The following CACNA2D3 variants were observed in gnomAD, a reference collection of about 807,000 sequenced individuals.
The protein encoded by CACNA2D3 is calcium voltage-gated channel auxiliary subunit alpha2delta 3.
A neutral mutation model predicts 160.6 loss-of-function variants in CACNA2D3; 60 were observed. The ratio of observed to expected loss-of-function variants is 0.37; its 90% CI spans 0.30 to 0.46. The LOEUF (loss-of-function observed/expected upper bound fraction) is 0.46. Among genes scored for constraint, CACNA2D3 ranks in the 20% least tolerant of loss-of-function variants. The pLI is 1.00. For synonymous variants in CACNA2D3, 558 were observed against 492.9 expected (o/e 1.13, Z -1.75); for missense variants, 1,205 against 1,365.0 (o/e 0.88, Z 1.85).
At chr3:54,873,562 C>T (rs1164246106) in intron 18 of CACNA2D3, among the ~76,000 whole-genome samples, 1 of 152,144 alleles carries the variant, frequency 6.6e-6, no homozygotes, top group Non-Finnish European at 1.5e-5. Context: ...TGTATCTCCT[C>T]ATCCTACTTT....
chr3:54,479,948 C>T (rs1404765737), intron 4 of CACNA2D3, among the ~76,000 whole-genome samples: 1 of 152,122 alleles, frequency 6.6e-6, no homozygotes, highest in African/African-American at 2.4e-5. Context: ...GGAGTTGATT[C>T]TGTAAAAATC....
intron 2 of CACNA2D3, among the ~76,000 whole-genome samples, chr3:54,297,401 G>A (rs1230690344): frequency 6.6e-6 from 1 of 151,994 alleles, no homozygotes; most frequent in African/African-American, 2.4e-5. Flanking sequence ...CCTGGTGGGG[G>A]GTGTAGGACA....
chr3:54,509,937 A>G (rs1302222747), intron 5 of CACNA2D3, among the ~76,000 whole-genome samples: 1 of 152,334 alleles, frequency 6.6e-6, no homozygotes, highest in East Asian at 1.9e-4. Context: ...ATATGTGTGT[A>G]TGCATAGGTT....
intron 13 of CACNA2D3, among the ~76,000 whole-genome samples, chr3:54,810,429 TTGCTC>T (rs1703274733): frequency 6.6e-6 from 1 of 152,168 alleles, no homozygotes; most frequent in African/African-American, 2.4e-5. Context: ...AGAACTTTCT[TTGCTC>T]TATAGTAGAG....
intron 4 of CACNA2D3, among the ~76,000 whole-genome samples, chr3:54,417,806 G>A (rs9846785): frequency 7.8e-6 from 1 of 129,028 alleles, no homozygotes. Flanking sequence ...GGGGGGGGGG[G>A]TGGGGGGGTT....
At chr3:54,849,542 A>C (rs1444220549) in intron 17 of CACNA2D3, among the ~76,000 whole-genome samples, 1 of 152,204 alleles carries the variant, frequency 6.6e-6, no homozygotes, top group Non-Finnish European at 1.5e-5. Context: ...CAGTGTCTTC[A>C]TGGACCATAA....
intron 11 of CACNA2D3, among the ~76,000 whole-genome samples, chr3:54,723,153 C>T (rs571433289): frequency 2.6e-5 from 4 of 152,316 alleles, no homozygotes; most frequent in Admixed American, 2.6e-4. Flanking sequence ...GTGGGCTACA[C>T]CTAGTTCAAA....
intron 27 of CACNA2D3, among the ~76,000 whole-genome samples, chr3:54,930,452 G>A (rs191257576): frequency 6.6e-6 from 1 of 152,090 alleles, no homozygotes; most frequent in Non-Finnish European, 1.5e-5. Flanking sequence ...ACCTCTTTAG[G>A]TTATAGTGGA....
At chr3:54,346,162 C>G (rs1197848546) in intron 3 of CACNA2D3, among the ~76,000 whole-genome samples, 1 of 152,148 alleles carries the variant, frequency 6.6e-6, no homozygotes, top group Non-Finnish European at 1.5e-5. Flanking sequence ...CCTGGTGATT[C>G]ATTTGTAAGT....
rs548927599 is a variant in CACNA2D3 at position 54,413,837 on chromosome 3, A to C, written c.381+27063A>C. Reference sequence around the variant, plus strand: ...AGTCTTTGAATATACTGACAATAACAGTTTTAAATTCCTTCTCTGGTAATT... The same window carrying C: ...AGTCTTTGAATATACTGACAATAACCGTTTTAAATTCCTTCTCTGGTAATT... On this transcript the variant is annotated intron_variant, in intron 4 of 37. Coordinates refer to ENST00000474759, the MANE Select transcript of CACNA2D3 (RefSeq NM_018398.3). 4.0e-5 allele frequency among the ~76,000 whole-genome samples: 6 copies of C among 150,650 alleles called. No homozygotes were observed. In the South Asian group the frequency reaches 1.3e-3, roughly 32 times the overall value.
At chr3:54,948,957 A>T (rs1701686042) in intron 27 of CACNA2D3, among the ~76,000 whole-genome samples, 1 of 152,178 alleles carries the variant, frequency 6.6e-6, no homozygotes. Context: ...AAAAGTCCAT[A>T]GTTATAACCA....
At chr3:54,681,575 AT>A (rs1700352645) in intron 11 of CACNA2D3, among the ~76,000 whole-genome samples, 1 of 151,602 alleles carries the variant, frequency 6.6e-6, no homozygotes, top group African/African-American at 2.4e-5. Context: ...AAAAAAAAGA[AT>A]AGTGAAAATA....
chr3:54,380,983 G>A (rs939972123), intron 3 of CACNA2D3, among the ~76,000 whole-genome samples: 4 of 152,068 alleles, frequency 2.6e-5, no homozygotes, highest in Non-Finnish European at 4.4e-5. Flanking sequence ...TTATGGATTT[G>A]AGTTCCCCCC....
At chr3:54,410,197 A>C (rs1699642244) in intron 4 of CACNA2D3, among the ~76,000 whole-genome samples, 1 of 152,002 alleles carries the variant, frequency 6.6e-6, no homozygotes, top group Non-Finnish European at 1.5e-5. Context: ...AAAAATACAC[A>C]CAAAAAAATA....
chr3:54,204,323 G>GTGTATA (rs995297726), intron 2 of CACNA2D3, among the ~76,000 whole-genome samples: 21 of 152,164 alleles, frequency 1.4e-4, no homozygotes, highest in South Asian at 4.1e-4. Context: ...ATGTGTGTGT[G>GTGTATA]TGTATATACC....
At chr3:54,898,085 G>GCTTTCTTC (rs1700232914) in intron 26 of CACNA2D3, among the ~76,000 whole-genome samples, 1 of 151,204 alleles carries the variant, frequency 6.6e-6, no homozygotes, top group African/African-American at 2.4e-5. Flanking sequence ...TTGCTTGCTT[G>GCTTTCTTC]CTTTCTTCCT....
intron 27 of CACNA2D3, among the ~76,000 whole-genome samples, chr3:54,919,332 G>T (rs1226809132): frequency 6.6e-6 from 1 of 152,198 alleles, no homozygotes; most frequent in Non-Finnish European, 1.5e-5. Flanking sequence ...AATGTGCATT[G>T]TTGTGATGTT....
At chr3:54,747,258 C>T (rs148482012) in intron 11 of CACNA2D3, among the ~76,000 whole-genome samples, 4 of 152,204 alleles carry the variant, frequency 2.6e-5, no homozygotes, top group Non-Finnish European at 5.9e-5. Flanking sequence ...GCTATGACTC[C>T]ACCTTCAACA....
Position 54,879,103 on chromosome 3 carries a change from A to G in CACNA2D3, c.1782+14A>G, listed in dbSNP as rs1400239235. The G allele has an allele frequency of 8.3e-6, 13 of 1,557,930 alleles. No homozygotes were observed. Among genetic ancestry groups the G allele is most frequent in the Non-Finnish European group, 1.1e-5 (13 of 1,143,616 alleles). ...GTGGACAAAGGGGTACATTTTTCTC[A>G]AACATTTTTGCTGCTTAATTTAAAA... On this transcript the variant is annotated intron_variant, in intron 19 of 37. Transcript: ENST00000474759.
Sources: gnomAD v4.1 joint callset for allele counts (sites outside exome capture counted in the v4.1 genomes callset) on GRCh38, gnomAD v4.1.1 for gene constraint, MANE v1.5 for transcripts, NCBI Gene and HGNC (gene_info 2026-07-23, HGNC 2026-07-21) for gene names.